The following NCOA3 variants were observed in gnomAD, a reference collection of about 807,000 sequenced individuals.
NCOA3 encodes CBP-interacting protein.
Under a neutral mutation model 158.8 loss-of-function variants are expected in NCOA3, and 51 were observed. The ratio of observed to expected loss-of-function variants is 0.32; its 90% CI spans 0.26 to 0.41. The LOEUF is 0.41. Ranked by LOEUF, NCOA3 falls within the 10% of genes least tolerant of loss-of-function variation. The pLI is 1.00. For synonymous variants in NCOA3, 537 were observed against 592.4 expected (o/e 0.91, Z 1.36); for missense variants, 1,510 against 1,746.6 (o/e 0.86, Z 2.41).
At chr20:47,638,145 A>C (rs1417421788) in intron 13 of NCOA3, among the ~76,000 whole-genome samples, 1 of 152,162 alleles carries the variant, frequency 6.6e-6, no homozygotes, top group African/African-American at 2.4e-5. Flanking sequence ...AAACCTGTCC[A>C]TTGGTGTTTT....
chr20:47,615,163 T>C (rs1301538964), intron 2 of NCOA3, among the ~76,000 whole-genome samples: 3 of 152,256 alleles, frequency 2.0e-5, no homozygotes, highest in Non-Finnish European at 4.4e-5. Flanking sequence ...ATACATACTC[T>C]GGAGGGTCAT....
At chr20:47,642,457 C>T (rs183271832) in intron 17 of NCOA3, 73 bp downstream of exon 17, 2 of 1,065,084 alleles carry the variant, frequency 1.9e-6, no homozygotes, top group South Asian at 2.7e-5. Context: ...CATGAAGCCA[C>T]ATACAAGAAT....
intron 2 of NCOA3, among the ~76,000 whole-genome samples, chr20:47,613,985 A>G (rs557469201): frequency 1.9e-4 from 29 of 152,144 alleles, no homozygotes; most frequent in Admixed American, 3.9e-4. Flanking sequence ...CTTCCTTACC[A>G]GCATTGAAAG....
intron 1 of NCOA3, among the ~76,000 whole-genome samples, chr20:47,545,704 T>C (rs1028168889): frequency 6.6e-6 from 1 of 152,012 alleles, no homozygotes; most frequent in Non-Finnish European, 1.5e-5. Flanking sequence ...ACTATACATA[T>C]ATTGGATCAT....
chr20:47,561,101 G>A (rs1017199558), intron 1 of NCOA3, among the ~76,000 whole-genome samples: 2 of 150,536 alleles, frequency 1.3e-5, no homozygotes, highest in Non-Finnish European at 1.5e-5. Flanking sequence ...AGCCTCCTGA[G>A]TAGCTGATAT....
At position 47,569,367 on chromosome 20, in the gene NCOA3, A is replaced by T. The variant is rs927230880; in HGVS notation, c.-98-13816A>T. Among the ~76,000 whole-genome samples the T allele has an allele frequency of 5.5e-4, 83 of 151,842 alleles. 1 individual carries two copies. Among genetic ancestry groups the T allele is most frequent in the African/African-American group, 2.0e-3 (81 of 41,290 alleles). On this transcript the variant is annotated intron_variant, in intron 1 of 22. Coordinates refer to ENST00000371998, the MANE Select transcript of NCOA3 (RefSeq NM_181659.3). ...ATCTCCCCACCCCATACCGTCCCCC[A>T]ATAAAAAATAAATAATTTTGTTTTT...
chr20:47,584,215 A>T (rs1235523960), intron 2 of NCOA3, among the ~76,000 whole-genome samples: 1 of 152,114 alleles, frequency 6.6e-6, no homozygotes, highest in Non-Finnish European at 1.5e-5. Context: ...AGATTGCTTG[A>T]TCTCAGGAGT....
intron 1 of NCOA3, among the ~76,000 whole-genome samples, chr20:47,576,661 G>C (rs943837827): frequency 2.0e-5 from 3 of 152,218 alleles, no homozygotes; most frequent in African/African-American, 7.2e-5. Flanking sequence ...AAAGGAAAAT[G>C]TGCAATCCTG....
Position 47,562,696 on chromosome 20 carries a change from T to G in NCOA3, c.-98-20487T>G, listed in dbSNP as rs980223559. On this transcript the variant is annotated intron_variant, in intron 1 of 22. Coordinates refer to ENST00000371998, the MANE Select transcript of NCOA3 (RefSeq NM_181659.3). ...CCATATACCTTTTATTATTTTGTGA[T>G]TATAAAAGCATAGCAATCACTTTGG... 6.6e-5 allele frequency among the ~76,000 whole-genome samples: 10 copies of G among 152,284 alleles called. No individual in the cohort carries two copies. In the South Asian group the frequency reaches 1.0e-3, roughly 16 times the overall value.
intron 1 of NCOA3, among the ~76,000 whole-genome samples, chr20:47,515,485 T>C (rs570108859): frequency 6.7e-6 from 1 of 149,426 alleles, no homozygotes; most frequent in East Asian, 1.9e-4. Context: ...TTTTTTTTTT[T>C]TTTTTCTTTT....
chr20:47,511,735 G>A (rs2084145425), intron 1 of NCOA3, among the ~76,000 whole-genome samples: 1 of 150,842 alleles, frequency 6.6e-6, no homozygotes, highest in African/African-American at 2.4e-5. Context: ...TGTATTTTTA[G>A]TAGAGACGGG....
rs34123990 is a variant in NCOA3 at position 47,511,524 on chromosome 20, G to GATATATAT, written c.-99+9530_-99+9537dup. ...TAGCTGAGATATGTATCTCTCTCGA[G>GATATATAT]ATATATATATATATATATATATATA... On this transcript the variant is annotated intron_variant, in intron 1 of 22. Coordinates refer to ENST00000371998, the MANE Select transcript of NCOA3 (RefSeq NM_181659.3). Among the ~76,000 whole-genome samples the GATATATAT allele has an allele frequency of 7.5e-3, 165 of 21,998 alleles. 4 individuals carry two copies. Among genetic ancestry groups the GATATATAT allele is most frequent in the African/African-American group, 0.014 (157 of 11,016 alleles). The allele number at this position is 21,998 out of a possible 152,430, so 14.4% of individuals were successfully genotyped here.
intron 2 of NCOA3, among the ~76,000 whole-genome samples, chr20:47,590,791 A>G (rs2085619401): frequency 6.6e-6 from 1 of 152,100 alleles, no homozygotes; most frequent in Admixed American, 6.6e-5. Context: ...ATCCTGGGCA[A>G]GAGACCAAGA....
chr20:47,582,311 C>T (rs1381978701), intron 1 of NCOA3, among the ~76,000 whole-genome samples: 1 of 152,162 alleles, frequency 6.6e-6, no homozygotes, highest in African/African-American at 2.4e-5. Flanking sequence ...TTCCCTAATT[C>T]AGGTGATTCT....
chr20:47,570,756 G>A (rs117212926), intron 1 of NCOA3, among the ~76,000 whole-genome samples: 4,488 of 151,828 alleles, frequency 0.03, 101 homozygotes, highest in Middle Eastern at 0.071. Context: ...ATTATCTATG[G>A]CAGCTGTAAC....
At chr20:47,594,898 TCTC>T (rs1461593794) in intron 2 of NCOA3, among the ~76,000 whole-genome samples, 1 of 146,062 alleles carries the variant, frequency 6.8e-6, no homozygotes, top group African/African-American at 2.5e-5. Context: ...TTCAAGTAAT[TCTC>T]CTGCCTCAGC....
Position 47,633,490 on chromosome 20 carries a change from T to A in NCOA3, c.824-6T>A, listed in dbSNP as rs373075670. On this transcript the variant is annotated splice_region_variant and splice_polypyrimidine_tract_variant and intron_variant, in intron 8 of 22. Transcript: ENST00000371998. ...TAAGTCTTTTTTTCCTTTTTTTGTTTAATAGGAAAGGTTGTCAATATAGAT... is the reference window on the plus strand; with the variant it reads ...TAAGTCTTTTTTTCCTTTTTTTGTTAAATAGGAAAGGTTGTCAATATAGAT... The A allele has an allele frequency of 6.3e-6, 10 of 1,598,842 alleles. No individual in the cohort carries two copies. The highest frequency in any genetic ancestry group is 8.5e-6 in the Non-Finnish European group (10 of 1,175,608).
intron 1 of NCOA3, among the ~76,000 whole-genome samples, chr20:47,549,232 A>C (rs2146149549): frequency 6.6e-6 from 1 of 151,984 alleles, no homozygotes; most frequent in South Asian, 2.1e-4. Context: ...GTAATAAAAA[A>C]GTTTTTAGGC....
At chr20:47,640,352 A>AG (rs1182966981) in intron 16 of NCOA3, among the ~76,000 whole-genome samples, 1 of 152,224 alleles carries the variant, frequency 6.6e-6, no homozygotes, top group African/African-American at 2.4e-5. Context: ...TCCCATGAGG[A>AG]GGGGAAAAAA....
Sources: allele counts gnomAD v4.1 joint callset (sites outside exome capture counted in the v4.1 genomes callset), GRCh38; gene constraint gnomAD v4.1.1; transcripts MANE v1.5; gene names NCBI Gene and HGNC (gene_info 2026-07-23, HGNC 2026-07-21).